RAB3C: variants seen among roughly 807,000 people sequenced by gnomAD.
RAB3C encodes ras-related protein Rab-3C.
RAB3C carries 17 observed loss-of-function variants against 26.4 expected under a neutral mutation model. That is an observed-to-expected ratio of 0.64 (90% CI 0.44 to 0.97). The LOEUF (loss-of-function observed/expected upper bound fraction) is 0.97. Ranked by LOEUF, RAB3C falls within the 50% of genes least tolerant of loss-of-function variation. The pLI, the probability that RAB3C is intolerant of heterozygous loss-of-function variation, is 0.00. For synonymous variants in RAB3C, 91 were observed against 95.9 expected (o/e 0.95, Z 0.30); for missense variants, 242 against 281.9 (o/e 0.86, Z 1.01).
intron 3 of RAB3C, among the ~76,000 whole-genome samples, chr5:58,797,538 G>A (rs1326026552): frequency 6.6e-6 from 1 of 151,712 alleles, no homozygotes; most frequent in African/African-American, 2.4e-5. Context: ...GCCTCCCGTT[G>A]GAAAAGATAA....
At chr5:58,597,703 T>C (rs896108216) in intron 1 of RAB3C, among the ~76,000 whole-genome samples, 3 of 112,752 alleles carry the variant, frequency 2.7e-5, no homozygotes, top group African/African-American at 8.3e-5. Flanking sequence ...TATAAGTATA[T>C]AATATAATAT....
chr5:58,801,229 A>G (rs1333427941), intron 3 of RAB3C, among the ~76,000 whole-genome samples: 1 of 152,250 alleles, frequency 6.6e-6, no homozygotes, highest in African/African-American at 2.4e-5. Flanking sequence ...GGCTAGGACC[A>G]GAAGTCTCAA....
intron 4 of RAB3C, among the ~76,000 whole-genome samples, chr5:58,833,324 T>TCTCACACACA (rs1554021454): frequency 7.8e-5 from 11 of 141,154 alleles, no homozygotes; most frequent in African/African-American, 1.8e-4. Context: ...ACGGACCCCA[T>TCTCACACACA]CACACACACA....
intron 1 of RAB3C, among the ~76,000 whole-genome samples, chr5:58,616,161 G>GA (rs965175706): frequency 2.6e-5 from 4 of 152,232 alleles, no homozygotes; most frequent in Non-Finnish European, 2.9e-5. Flanking sequence ...ATGGGAAATG[G>GA]AAAATAGACT....
chr5:58,781,270 T>A (rs1742263827), intron 3 of RAB3C, among the ~76,000 whole-genome samples: 1 of 152,142 alleles, frequency 6.6e-6, no homozygotes, highest in Admixed American at 6.6e-5. Context: ...GAGAGAATGA[T>A]CTGCTGCTAG....
At position 58,827,728 on chromosome 5, in the gene RAB3C, CAT is replaced by C. The variant is rs563181904; in HGVS notation, c.496+2567_496+2568del. ...CCAGCTGTTGTCATAGCAACCAACA[CAT>C]GTGCATTCTTGGAGAGTCATTTACC... On this transcript the variant is annotated intron_variant, in intron 4 of 4. Coordinates refer to ENST00000282878, the MANE Select transcript of RAB3C (RefSeq NM_138453.4). Among the ~76,000 whole-genome samples, 57 of 152,326 alleles carry C rather than the reference CAT, an allele frequency of 3.7e-4. No individual in the cohort carries two copies. In the East Asian group the frequency reaches 9.3e-3, roughly 25 times the overall value.
intron 3 of RAB3C, among the ~76,000 whole-genome samples, chr5:58,820,034 G>A (rs1267075499): frequency 6.6e-6 from 1 of 151,954 alleles, no homozygotes; most frequent in Admixed American, 6.6e-5. Context: ...GAAAGTTATT[G>A]TGTATGCAGA....
chr5:58,755,551 G>A (rs1268290017), intron 3 of RAB3C, among the ~76,000 whole-genome samples: 1 of 152,152 alleles, frequency 6.6e-6, no homozygotes, highest in Non-Finnish European at 1.5e-5. Flanking sequence ...TCAGGACTCG[G>A]GGCAGGCAGG....
At chr5:58,591,672 A>C (rs1264103932) in intron 1 of RAB3C, among the ~76,000 whole-genome samples, 1 of 149,944 alleles carries the variant, frequency 6.7e-6, no homozygotes, top group Non-Finnish European at 1.5e-5. Context: ...TGGTCAGTAT[A>C]GAGTTGGGCT....
At chr5:58,771,147 T>C (rs1742023054) in intron 3 of RAB3C, among the ~76,000 whole-genome samples, 1 of 152,164 alleles carries the variant, frequency 6.6e-6, no homozygotes, top group East Asian at 1.9e-4. Flanking sequence ...TGAACAAATG[T>C]CTTTAGAAGT....
At chr5:58,661,060 C>T (rs2111806406) in intron 2 of RAB3C, among the ~76,000 whole-genome samples, 1 of 150,134 alleles carries the variant, frequency 6.7e-6, no homozygotes, top group East Asian at 1.9e-4. Context: ...ATGTTCCTGC[C>T]TCCCCAAAAT....
chr5:58,851,763 T>C lies in RAB3C; in HGVS notation c.*412T>C, dbSNP rs1273217344. Reference sequence around the variant, plus strand: ...TTGTGTGTGTGTGTGTGTGTGTGTGTGTGCACGCATGCCCGCATGCGTGCA... The same window carrying C: ...TTGTGTGTGTGTGTGTGTGTGTGTGCGTGCACGCATGCCCGCATGCGTGCA... On this transcript the variant is annotated 3_prime_UTR_variant, in exon 5 of 5. Transcript: ENST00000282878. 7.3e-6 allele frequency: 1 copy of C among 137,052 alleles called. No homozygotes were observed. Among genetic ancestry groups the C allele is most frequent in the Non-Finnish European group, 1.6e-5 (1 of 61,626 alleles). The allele number at this position is 137,052 out of a possible 1,614,324, so 8.5% of individuals were successfully genotyped here.
intron 1 of RAB3C, among the ~76,000 whole-genome samples, chr5:58,596,502 T>A (rs1251924272): frequency 7.3e-6 from 1 of 136,272 alleles, no homozygotes; most frequent in Non-Finnish European, 1.5e-5. Flanking sequence ...TATATATAAA[T>A]ATATAATACT....
In RAB3C at chr5:58,828,901, C is replaced by CTTTTTTTTTTTTTTTTTTT. The variant is rs762653092; in HGVS notation, c.496+3742_496+3760dup. Among the ~76,000 whole-genome samples the CTTTTTTTTTTTTTTTTTTT allele has an allele frequency of 4.9e-5, 6 of 122,446 alleles. 3 individuals carry two copies. Among genetic ancestry groups the CTTTTTTTTTTTTTTTTTTT allele is most frequent in the Non-Finnish European group, 3.5e-5 (2 of 57,840 alleles). 80.3% of individuals were successfully genotyped at this position (122,446 alleles called of 152,430 possible). A position where few individuals can be genotyped will look rare whatever the true frequency, so the allele number is the denominator to read the frequency against. ...CTATAGCTGGTGTTATTTTACCATG[C>CTTTTTTTTTTTTTTTTTTT]TTTTTTTTTTTTTTTTTTTTTGGAT... On this transcript the variant is annotated intron_variant, in intron 4 of 4. Coordinates refer to ENST00000282878, the MANE Select transcript of RAB3C (RefSeq NM_138453.4).
chr5:58,799,392 T>C (rs950156044), intron 3 of RAB3C, among the ~76,000 whole-genome samples: 2 of 152,072 alleles, frequency 1.3e-5, no homozygotes, highest in African/African-American at 2.4e-5. Flanking sequence ...AAGGGTAGTA[T>C]TATTGGTCCT....
rs149404000 is a variant in RAB3C, at chr5:58,829,262, T to C, written c.496+4100T>C. On this transcript the variant is annotated intron_variant, in intron 4 of 4. Coordinates refer to ENST00000282878, the MANE Select transcript of RAB3C (RefSeq NM_138453.4). ...GTACCTATAACAATATATAAGAATG[T>C]TTTTAAATTCTATATTAAATTTATA... Among the ~76,000 whole-genome samples the C allele has an allele frequency of 3.0e-4, 46 of 152,236 alleles. No homozygotes were observed. In the East Asian group the frequency reaches 8.7e-3, roughly 29 times the overall value.
At chr5:58,810,480 T>G (rs974150386) in intron 3 of RAB3C, among the ~76,000 whole-genome samples, 1 of 152,064 alleles carries the variant, frequency 6.6e-6, no homozygotes, top group Non-Finnish European at 1.5e-5. Context: ...TAATATGATC[T>G]TCTCAAGAAG....
chr5:58,657,153 A>G (rs973247988), intron 2 of RAB3C, among the ~76,000 whole-genome samples: 1 of 152,200 alleles, frequency 6.6e-6, no homozygotes, highest in African/African-American at 2.4e-5. Flanking sequence ...CAAACATTGT[A>G]TGTTCTCACT....
chr5:58,794,638 A>T (rs1367914352), intron 3 of RAB3C: 2 of 152,174 alleles, frequency 1.3e-5, no homozygotes, highest in African/African-American at 2.4e-5. Flanking sequence ...ATTATTTATT[A>T]AAAAAACATT....
Sources: allele counts gnomAD v4.1 joint callset (sites outside exome capture counted in the v4.1 genomes callset), GRCh38; gene constraint gnomAD v4.1.1; transcripts MANE v1.5; gene names NCBI Gene and HGNC (gene_info 2026-07-23, HGNC 2026-07-21).